RAPGEF1: variants seen among roughly 807,000 people sequenced by gnomAD.
RAPGEF1 encodes CRK SH3-binding GNRP.
RAPGEF1 carries 33 observed loss-of-function variants against 143.3 expected under a neutral mutation model. That is an observed-to-expected ratio of 0.23 (90% confidence interval 0.17 to 0.31). RAPGEF1 has a LOEUF of 0.31. Among genes scored for constraint, RAPGEF1 ranks in the 10% least tolerant of loss-of-function variants. RAPGEF1 has a pLI of 1.00. For missense variants in RAPGEF1, 1,199 were observed against 1,645.4 expected (o/e 0.73, Z 4.69); for synonymous variants, 629 against 676.5 (o/e 0.93, Z 1.09).
intron 1 of RAPGEF1, among the ~76,000 whole-genome samples, chr9:131,663,231 C>A (rs1829877507): frequency 6.6e-6 from 1 of 152,180 alleles, no homozygotes; most frequent in Admixed American, 6.5e-5. Flanking sequence ...CATCCCTTTT[C>A]TTTCTCTATC....
chr9:131,606,075 A>T (rs1030479767), intron 12 of RAPGEF1, among the ~76,000 whole-genome samples: 2 of 152,276 alleles, frequency 1.3e-5, no homozygotes, highest in Non-Finnish European at 2.9e-5. Context: ...TCCTGTCTCA[A>T]ATAAAAACAA....
chr9:131,604,812 C>G, intron 13 of RAPGEF1, 119 bp downstream of exon 13: 1 of 1,188,368 alleles, frequency 8.4e-7, no homozygotes, highest in Non-Finnish European at 1.1e-6. Flanking sequence ...CCCCCAACTG[C>G]TAGTAAAGGG....
At chr9:131,673,846 G>A (rs537402768) in intron 1 of RAPGEF1, among the ~76,000 whole-genome samples, 21 of 152,298 alleles carry the variant, frequency 1.4e-4, no homozygotes, top group Non-Finnish European at 2.4e-4. Context: ...TGTACTCATC[G>A]TGGCCTCTGT....
At chr9:131,581,213 G>T (rs1951818699) in intron 25 of RAPGEF1, among the ~76,000 whole-genome samples, 2 of 151,750 alleles carry the variant, frequency 1.3e-5, no homozygotes, top group African/African-American at 2.4e-5. Flanking sequence ...GGGCAACATA[G>T]CAAGACCTCG....
At chr9:131,632,344 G>A (rs926805671) in intron 5 of RAPGEF1, among the ~76,000 whole-genome samples, 2 of 149,314 alleles carry the variant, frequency 1.3e-5, no homozygotes, top group African/African-American at 5.0e-5. Flanking sequence ...TTTCACCGTG[G>A]TCTCGATCTC....
rs762246523 is a variant in RAPGEF1, at chr9:131,739,832, G to A, written c.-2C>T. ...CCGGAGGCCGAGGCCGCCGCTCATC[G>A]GGCCCGGGCCGGGCCGCCGCGGGGC... On this transcript the variant is annotated 5_prime_UTR_variant, in exon 1 of 27. Transcript: ENST00000683357. The A allele has an allele frequency of 2.4e-5, 25 of 1,051,464 alleles. No individual in the cohort carries two copies. Among genetic ancestry groups the A allele is most frequent in the South Asian group, 3.3e-5 (1 of 29,896 alleles). The allele number at this position is 1,051,464 out of a possible 1,614,324, so 65.1% of individuals were successfully genotyped here.
Position 131,628,443 on chromosome 9 carries a change from A to C in RAPGEF1, c.1017+106T>G. 17 of 1,446,668 alleles carry C rather than the reference A, an allele frequency of 1.2e-5. No individual in the cohort carries two copies. Among genetic ancestry groups the C allele is most frequent in the Non-Finnish European group, 1.6e-5 (17 of 1,069,176 alleles). The allele number at this position is 1,446,668 out of a possible 1,614,324, so 89.6% of individuals were successfully genotyped here. ...GGTCTCGCACTCCTCGATGTGACAA[A>C]CACCAGCGCCTGAAGACCATGGGTT... On this transcript the variant is annotated intron_variant, in intron 8 of 26. Transcript: ENST00000683357. The surrounding 1 kb of genome is among the most constrained non-coding windows in gnomAD (Gnocchi z 5.7).
At position 131,588,093 on chromosome 9, in the gene RAPGEF1, C is replaced by A. The variant is rs191528300; in HGVS notation, c.3054-67G>T. Reference sequence around the variant, plus strand: ...GGCCGGTGGGGAGGGCTGAGCAGGCCCGGGCTGCGGGCGTCAGAGCAGGAG... The same window carrying A: ...GGCCGGTGGGGAGGGCTGAGCAGGCACGGGCTGCGGGCGTCAGAGCAGGAG... On this transcript the variant is annotated intron_variant, in intron 20 of 26. Transcript: ENST00000683357. 6.4e-5 allele frequency: 87 copies of A among 1,369,208 alleles called. No homozygotes were observed. In the African/African-American group the frequency reaches 1.0e-3, roughly 16 times the overall value. 84.8% of individuals were successfully genotyped at this position (1,369,208 alleles called of 1,614,324 possible).
At chr9:131,580,476 C>G in intron 25 of RAPGEF1, 85 bp from the exon 26 acceptor site, 1 of 1,467,440 alleles carries the variant, frequency 6.8e-7, no homozygotes, top group South Asian at 1.3e-5. Context: ...CGCTAGGACT[C>G]GCAGTGAGCA....
chr9:131,724,589 C>G (rs926564778), intron 1 of RAPGEF1, among the ~76,000 whole-genome samples: 1 of 151,788 alleles, frequency 6.6e-6, no homozygotes, highest in African/African-American at 2.4e-5. Flanking sequence ...AGCGAGATTC[C>G]GGCTCAGAAA....
intron 12 of RAPGEF1, among the ~76,000 whole-genome samples, chr9:131,607,943 T>C (rs1009862133): frequency 6.6e-6 from 1 of 152,162 alleles, no homozygotes; most frequent in Non-Finnish European, 1.5e-5. Flanking sequence ...ATATAGTGTG[T>C]TTAGCCGGTT....
chr9:131,659,507 T>A (rs753345771), intron 1 of RAPGEF1, among the ~76,000 whole-genome samples: 1 of 140,560 alleles, frequency 7.1e-6, no homozygotes, highest in Non-Finnish European at 1.6e-5. Flanking sequence ...GTGTGAGCCA[T>A]CACGCCAGGC....
At chr9:131,654,800 CAT>C (rs1199520424) in intron 1 of RAPGEF1, among the ~76,000 whole-genome samples, 3 of 152,188 alleles carry the variant, frequency 2.0e-5, no homozygotes, top group Admixed American at 6.5e-5. Context: ...AATCAGTAAA[CAT>C]ATATTCAACA....
chr9:131,649,298 G>A (rs936356807), intron 3 of RAPGEF1, among the ~76,000 whole-genome samples: 11 of 141,298 alleles, frequency 7.8e-5, no homozygotes, highest in African/African-American at 2.4e-4. Context: ...CAGGTGATCC[G>A]CCTGCCTCAG....
In RAPGEF1 at chr9:131,584,672, G is replaced by A; in HGVS notation, c.3234-76C>T. 1 of 1,440,096 alleles carries A rather than the reference G, an allele frequency of 6.9e-7. No individual in the cohort carries two copies. The highest frequency in any genetic ancestry group is 9.8e-7 in the Non-Finnish European group (1 of 1,024,814). 89.2% of individuals were successfully genotyped at this position (1,440,096 alleles called of 1,614,324 possible). ...GTCCCAGGGGTCCTGGTGGAGACAG[G>A]ACCTGTACGACCCCCATGCCAGTGG... On this transcript the variant is annotated intron_variant, in intron 22 of 26. Coordinates refer to ENST00000683357, the MANE Select transcript of RAPGEF1 (RefSeq NM_001377935.1). The surrounding 1 kb of genome is among the most constrained non-coding windows in gnomAD (Gnocchi z 6.8).
intron 1 of RAPGEF1, among the ~76,000 whole-genome samples, chr9:131,730,807 A>G (rs1314500562): frequency 6.6e-6 from 1 of 152,064 alleles, no homozygotes; most frequent in Non-Finnish European, 1.5e-5. Flanking sequence ...CAGGAGATTA[A>G]GCAATTTGCC....
At chr9:131,607,419 G>A (rs1957291839) in intron 12 of RAPGEF1, among the ~76,000 whole-genome samples, 2 of 152,176 alleles carry the variant, frequency 1.3e-5, no homozygotes, top group Admixed American at 1.3e-4. Flanking sequence ...CTCGCTCTGG[G>A]CCTTCCTGGG....
In RAPGEF1 at chr9:131,627,887, G is replaced by A. The variant is rs896109490; in HGVS notation, c.1201+26C>T. The A allele has an allele frequency of 3.8e-6, 6 of 1,565,868 alleles. No homozygotes were observed. In the African/African-American group the frequency reaches 6.8e-5, roughly 18 times the overall value. On this transcript the variant is annotated intron_variant, in intron 9 of 26. Coordinates refer to ENST00000683357, the MANE Select transcript of RAPGEF1 (RefSeq NM_001377935.1). ...CCCAGAGAAGCCACCGAGACACGAT[G>A]GAACAGGAGGATGGTGGCGGCTCAC...
chr9:131,590,750 T>C (rs1437995369), intron 18 of RAPGEF1, among the ~76,000 whole-genome samples: 3 of 152,016 alleles, frequency 2.0e-5, no homozygotes, highest in Non-Finnish European at 4.4e-5. Flanking sequence ...AGCACAGGGG[T>C]CGCCAGCCAA....
Sources: gnomAD v4.1 joint callset for allele counts (sites outside exome capture counted in the v4.1 genomes callset) on GRCh38, gnomAD v4.1.1 for gene constraint, Gnocchi (gnomAD v3.1) non-coding constraint, MANE v1.5 for transcripts, NCBI Gene and HGNC (gene_info 2026-07-23, HGNC 2026-07-21) for gene names.